The following PPFIA1 variants were observed in gnomAD, a reference collection of about 807,000 sequenced individuals.
PPFIA1 encodes the protein PPFI scaffold protein A1, also known as liprin-alpha-1.
Under a neutral mutation model 149.9 loss-of-function variants are expected in PPFIA1, and 25 were observed. The ratio of observed to expected loss-of-function variants is 0.17; its 90% CI spans 0.12 to 0.23. PPFIA1 has a LOEUF of 0.23. Ranked by LOEUF, PPFIA1 falls within the 10% of genes least tolerant of loss-of-function variation. The pLI, the probability that PPFIA1 is intolerant of heterozygous loss-of-function variation, is 1.00. For missense variants in PPFIA1, 1,362 were observed against 1,506.5 expected, an observed-to-expected ratio of 0.90 and a Z score of 1.59; for synonymous variants, 549 against 552.8, an observed-to-expected ratio of 0.99 and a Z score of 0.10.
chr11:70,363,704 G>C (rs2056779145), intron 21 of PPFIA1, among the ~76,000 whole-genome samples: 1 of 152,024 alleles, frequency 6.6e-6, no homozygotes, highest in Non-Finnish European at 1.5e-5. Flanking sequence ...CTTAGAGACA[G>C]GGTCTTGCTG....
intron 2 of PPFIA1, among the ~76,000 whole-genome samples, chr11:70,310,819 AG>A (rs1228435052): frequency 2.0e-5 from 3 of 152,164 alleles, no homozygotes; most frequent in African/African-American, 7.2e-5. Context: ...AGACTGAACG[AG>A]TTCTGGAAGA....
At chr11:70,335,538 T>C (rs1264408631) in intron 10 of PPFIA1, 25 bp from the exon 11 acceptor site, 1 of 1,611,430 alleles carries the variant, frequency 6.2e-7, no homozygotes, top group South Asian at 1.1e-5. Flanking sequence ...GTGAGGTTTA[T>C]AAGACTTTGT....
intron 2 of PPFIA1, among the ~76,000 whole-genome samples, chr11:70,294,337 G>A (rs1049414199): frequency 1.3e-5 from 2 of 152,150 alleles, no homozygotes; most frequent in African/African-American, 4.8e-5. Flanking sequence ...AGATGGCGAG[G>A]TGATGGAAGT....
At position 70,274,539 on chromosome 11, in the gene PPFIA1, T is replaced by C. The variant is rs1189520744; in HGVS notation, c.264+2103T>C. On this transcript the variant is annotated intron_variant, in intron 2 of 27. Transcript: ENST00000253925. The stretch of plus-strand genomic sequence containing the variant: ...TAAAATAATCTGTATGTTTTGCTTC[T>C]TCATTCTGTCGTCAGCATCATGTTT... Among the ~76,000 whole-genome samples, 3 of 152,228 alleles carry C rather than the reference T, an allele frequency of 2.0e-5. No homozygotes were observed. The East Asian group carries it at 5.8e-4, about 29-fold the overall frequency.
chr11:70,360,424 A>T (rs1455698543), intron 19 of PPFIA1, among the ~76,000 whole-genome samples: 1 of 152,244 alleles, frequency 6.6e-6, no homozygotes, highest in African/African-American at 2.4e-5. Flanking sequence ...AACCCTCCTG[A>T]CTTGGCAGCA....
In PPFIA1 at chr11:70,326,201, A is replaced by C. The variant is rs2054274456; in HGVS notation, c.607-61A>C. ...GTGTTTTTCCAAAAGGAGTTTTGCT[A>C]TCTTTACTTATTTCTCTTATGTAAG... On this transcript the variant is annotated intron_variant, in intron 5 of 27. Transcript: ENST00000253925. 5.1e-6 allele frequency: 5 copies of C among 982,678 alleles called. No homozygotes were observed. In the East Asian group the frequency reaches 1.3e-4, roughly 26 times the overall value. 60.9% of individuals were successfully genotyped at this position (982,678 alleles called of 1,614,324 possible).
intron 2 of PPFIA1, among the ~76,000 whole-genome samples, chr11:70,286,984 TACACACACAC>T (rs57213147): frequency 2.0e-5 from 3 of 148,024 alleles, no homozygotes; most frequent in African/African-American, 5.0e-5. Flanking sequence ...TATATGCACA[TACACACACAC>T]ACACACACAC....
At chr11:70,271,976 A>G (rs1220592411) in intron 1 of PPFIA1, 197 bp from the exon 2 acceptor site, 9 of 655,874 alleles carry the variant, frequency 1.4e-5, no homozygotes, top group Non-Finnish European at 2.4e-5. Flanking sequence ...GTCTGTGTTA[A>G]TGTCTTCATG....
At chr11:70,312,441 C>T (rs546717852) in intron 2 of PPFIA1, among the ~76,000 whole-genome samples, 95 of 152,228 alleles carry the variant, frequency 6.2e-4, no homozygotes, top group African/African-American at 2.1e-3. Flanking sequence ...TCCTCCCACC[C>T]GAGCCCCCCA....
chr11:70,348,666 A>ATCT (rs759194905), intron 16 of PPFIA1, among the ~76,000 whole-genome samples: 2 of 152,180 alleles, frequency 1.3e-5, no homozygotes, highest in African/African-American at 2.4e-5. Flanking sequence ...AGATCACTTG[A>ATCT]GCCCAGGAGG....
intron 24 of PPFIA1, chr11:70,375,489 C>T (rs190617775): frequency 6.5e-6 from 1 of 153,816 alleles, no homozygotes; most frequent in African/African-American, 2.4e-5. Context: ...TTTTATTCCT[C>T]TACAGAACAT....
At position 70,292,705 on chromosome 11, in the gene PPFIA1, A is replaced by T. The variant is rs79102487; in HGVS notation, c.264+20269A>T. Among the ~76,000 whole-genome samples the T allele has an allele frequency of 4.8e-3, 733 of 152,298 alleles. 4 individuals are homozygous for T. The highest frequency in any genetic ancestry group is 7.4e-3 in the Non-Finnish European group (505 of 68,026). ...CTGAAGCCTCGTGACAGTGCTATAA[A>T]GCAGGACACTGTTATGACCCCATTT... On this transcript the variant is annotated intron_variant, in intron 2 of 27. Coordinates refer to ENST00000253925, the MANE Select transcript of PPFIA1 (RefSeq NM_003626.5).
chr11:70,360,595 CT>C (rs2056590517), intron 19 of PPFIA1, among the ~76,000 whole-genome samples: 1 of 152,250 alleles, frequency 6.6e-6, no homozygotes, highest in South Asian at 2.1e-4. Flanking sequence ...TACTGGCTGT[CT>C]TTGAGTGGCA....
In PPFIA1 at chr11:70,348,417, C is replaced by A. The variant is rs1348310911; in HGVS notation, c.2160C>A (p.Thr720=). The A allele has an allele frequency of 6.2e-7, 1 of 1,600,556 alleles. No homozygotes were observed. The highest frequency in any genetic ancestry group is 1.3e-5 in the African/African-American group (1 of 74,708). The change falls in exon 16 of 28, where the codon ACC becomes ACA. Residue 720 remains threonine, a synonymous_variant. Transcript: ENST00000253925. ...AREVDRLGVM[T]LLPPSREEVR... is the part of the protein sequence containing the mutation. ...AAGTGGACAGACTGGGCGTCATGAC[C>A]CTTGTACGTATCCGCCCTTTCCCTG... is the stretch of plus-strand genomic sequence containing the variant.
chr11:70,365,902 T>C, intron 21 of PPFIA1: 3 of 456,180 alleles, frequency 6.6e-6, no homozygotes, highest in Non-Finnish European at 1.3e-5. Flanking sequence ...CCAATACTAA[T>C]AGTTATGTTC....
At chr11:70,282,469 A>G (rs2050814430) in intron 2 of PPFIA1, 1 of 149,774 alleles carries the variant, frequency 6.7e-6, no homozygotes, top group Non-Finnish European at 1.5e-5. Context: ...CAGCTACCTA[A>G]TGTTTATTCT....
At chr11:70,341,949 C>T (rs758704922) in intron 14 of PPFIA1, 1 of 152,466 alleles carries the variant, frequency 6.6e-6, no homozygotes, top group African/African-American at 2.4e-5. Context: ...AGAATAGTCC[C>T]GCTGGCAGGG....
intron 2 of PPFIA1, among the ~76,000 whole-genome samples, chr11:70,283,019 T>C (rs1226580208): frequency 6.6e-6 from 1 of 151,398 alleles, no homozygotes; most frequent in East Asian, 2.0e-4. Flanking sequence ...TTTGTATTTT[T>C]AGTAGAGACG....
chr11:70,289,366 G>GT (rs1223198949), intron 2 of PPFIA1, among the ~76,000 whole-genome samples: 1 of 152,020 alleles, frequency 6.6e-6, no homozygotes, highest in Non-Finnish European at 1.5e-5. Context: ...TAAAATAAAA[G>GT]TTTTTTCCCC....
Sources: allele counts gnomAD v4.1 joint callset (sites outside exome capture counted in the v4.1 genomes callset), GRCh38; gene constraint gnomAD v4.1.1; transcripts MANE v1.5; gene names NCBI Gene and HGNC (gene_info 2026-07-23, HGNC 2026-07-21).